VWA2: variants seen among roughly 807,000 people sequenced by gnomAD.
The protein encoded by VWA2 is von Willebrand factor A domain-containing protein 2.
Under a neutral mutation model 70.4 loss-of-function variants are expected in VWA2, and 73 were observed. The ratio of observed to expected loss-of-function variants is 1.04; its 90% confidence interval spans 0.86 to 1.26. The LOEUF is 1.26. Among genes scored for constraint, VWA2 ranks in the 50% most tolerant of loss-of-function variants. The pLI is 0.00. For missense variants in VWA2, 1,011 were observed against 998.5 expected (o/e 1.01, Z -0.17); for synonymous variants, 407 against 423.3 (o/e 0.96, Z 0.47).
intron 4 of VWA2, among the ~76,000 whole-genome samples, chr10:114,258,854 C>T (rs1381735895): frequency 1.3e-5 from 2 of 152,198 alleles, no homozygotes; most frequent in East Asian, 3.8e-4. Flanking sequence ...ATTATTCTCT[C>T]ATGCCTTTTT....
chr10:114,264,004 C>T (rs1276809041), intron 5 of VWA2, among the ~76,000 whole-genome samples: 9 of 152,188 alleles, frequency 5.9e-5, no homozygotes, highest in Non-Finnish European at 1.5e-5. Flanking sequence ...CTGACAAAAA[C>T]AAGTGTTGGT....
intron 2 of VWA2, 35 bp from the exon 3 acceptor site, chr10:114,253,616 A>G: frequency 6.3e-7 from 1 of 1,597,476 alleles, no homozygotes; most frequent in Non-Finnish European, 8.6e-7. Flanking sequence ...CCCTCTCAGC[A>G]TTTTAATGGC....
In VWA2 at chr10:114,239,402, G is replaced by T. The variant is rs1303317906; in HGVS notation, c.-178G>T. 2.0e-5 allele frequency: 3 copies of T among 152,272 alleles called. No homozygotes were observed. Among genetic ancestry groups the T allele is most frequent in the African/African-American group, 4.8e-5 (2 of 41,468 alleles). 9.4% of individuals were successfully genotyped at this position (152,272 alleles called of 1,614,324 possible). ...GCGGTAGTTCCTCCGACCTCAGCCG[G>T]GTCGGGTCGTGCCGCCCTCTCCCAG... On this transcript the variant is annotated 5_prime_UTR_variant, in exon 1 of 14. Coordinates refer to ENST00000392982, the MANE Select transcript of VWA2 (RefSeq NM_001272046.2).
At chr10:114,256,790 G>C (rs538451643) in intron 4 of VWA2, among the ~76,000 whole-genome samples, 2 of 151,634 alleles carry the variant, frequency 1.3e-5, no homozygotes, top group African/African-American at 4.8e-5. Flanking sequence ...CGTGCCTGTA[G>C]TCCCAGCTAC....
chr10:114,277,905 T>G lies in VWA2; in HGVS notation c.567-9T>G. ...TAGGACCACAAGCTGTTACAACCCC[T>G]TGGCACAGGTGGGAGGAGCTGCATG... On this transcript the variant is annotated splice_polypyrimidine_tract_variant and intron_variant, in intron 6 of 13. Coordinates refer to ENST00000392982, the MANE Select transcript of VWA2 (RefSeq NM_001272046.2). 1 of 1,600,628 alleles carries G rather than the reference T, an allele frequency of 6.2e-7. No homozygotes were observed. The highest frequency in any genetic ancestry group is 8.5e-7 in the Non-Finnish European group (1 of 1,170,870).
intron 8 of VWA2, among the ~76,000 whole-genome samples, chr10:114,279,101 G>A (rs943715162): frequency 5.3e-5 from 8 of 152,170 alleles, no homozygotes; most frequent in Non-Finnish European, 1.0e-4. Flanking sequence ...CATTCTGGAA[G>A]GCTGGTGAGT....
At position 114,292,606 on chromosome 10, in the gene VWA2, G is replaced by T. The variant is rs371286211; in HGVS notation, c.*1369G>T. 4.6e-5 allele frequency among the ~76,000 whole-genome samples: 7 copies of T among 150,654 alleles called. No homozygotes were observed. The East Asian group carries it at 1.2e-3, about 25-fold the overall frequency. ...ACTAGATACTTACTTCCCTATCGCT[G>T]CAGTATTTAGGAATTACTTCTTCTC... On this transcript the variant is annotated 3_prime_UTR_variant, in exon 14 of 14. Coordinates refer to ENST00000392982, the MANE Select transcript of VWA2 (RefSeq NM_001272046.2).
rs757184226 is a variant in VWA2 at position 114,272,767 on chromosome 10, T to A, written c.399T>A (p.Ala133=). The change falls in exon 6 of 14, where the codon GCT becomes GCA. Residue 133 remains alanine (A), a synonymous_variant. Transcript: ENST00000392982. ...GAGGGCGCACGGAGACGGAACTTGC[T>A]CTGAAATACCTTCTGCACAGAGGGT... is the stretch of plus-strand genomic sequence containing the variant. ...FKGGRTETEL[A]LKYLLHRGLP... 1 of 1,610,886 alleles carries A rather than the reference T, an allele frequency of 6.2e-7. No homozygotes were observed. The highest frequency in any genetic ancestry group is 1.3e-5 in the African/African-American group (1 of 74,944).
At chr10:114,267,998 T>G (rs1215395040) in intron 5 of VWA2, among the ~76,000 whole-genome samples, 1 of 152,144 alleles carries the variant, frequency 6.6e-6, no homozygotes, top group African/African-American at 2.4e-5. Flanking sequence ...TGCTGTGGGT[T>G]CATTTTGGTA....
chr10:114,285,087 C>T, intron 10 of VWA2, 117 bp downstream of exon 10: 1 of 726,256 alleles, frequency 1.4e-6, no homozygotes, highest in Non-Finnish European at 2.1e-6. Context: ...GAACCATCTG[C>T]TTTCCAATGC....
Position 114,286,357 on chromosome 10 carries a change from G to A in VWA2, c.1416G>A (p.Glu472=). 5 of 1,613,794 alleles carry A rather than the reference G, an allele frequency of 3.1e-6. No homozygotes were observed. The highest frequency in any genetic ancestry group is 4.2e-6 in the Non-Finnish European group (5 of 1,179,992). The change falls in exon 11 of 14, where the codon GAG becomes GAA. Residue 472 remains glutamate (E), a synonymous_variant. Transcript: ENST00000392982. ...AGPARHARAR[E]LLLLGVGSEA... is the part of the protein sequence containing the mutation. ...CAGCGCGTCACGCAAGGGCGCGAGA[G>A]CTGCTCCTGCTGGGTGTAGGCAGTG...
At chr10:114,259,072 T>C (rs959924102) in intron 4 of VWA2, among the ~76,000 whole-genome samples, 6 of 152,236 alleles carry the variant, frequency 3.9e-5, no homozygotes, top group Admixed American at 6.5e-5. Context: ...CCTATGCATT[T>C]GTTTAAATTT....
intron 1 of VWA2, among the ~76,000 whole-genome samples, chr10:114,248,173 G>C (rs2133286472): frequency 6.6e-6 from 1 of 152,020 alleles, no homozygotes; most frequent in East Asian, 1.9e-4. Flanking sequence ...TAGATGATTA[G>C]TGGATAATTT....
Position 114,253,637 on chromosome 10 carries a change from G to A in VWA2, c.53-14G>A. 3 of 1,610,780 alleles carry A rather than the reference G, an allele frequency of 1.9e-6. No homozygotes were observed. Among genetic ancestry groups the A allele is most frequent in the Non-Finnish European group, 2.5e-6 (3 of 1,179,090 alleles). On this transcript the variant is annotated splice_polypyrimidine_tract_variant and intron_variant, in intron 2 of 13. Coordinates refer to ENST00000392982, the MANE Select transcript of VWA2 (RefSeq NM_001272046.2). ...CAGCATTTTAATGGCTGCTTCTGGTGTTTTCTCTCCTAGTGCCCCCATCTC... is the reference window on the plus strand; with the variant it reads ...CAGCATTTTAATGGCTGCTTCTGGTATTTTCTCTCCTAGTGCCCCCATCTC...
intron 4 of VWA2, among the ~76,000 whole-genome samples, chr10:114,258,473 C>T (rs1234039771): frequency 2.0e-5 from 3 of 152,088 alleles, no homozygotes; most frequent in Non-Finnish European, 4.4e-5. Flanking sequence ...TGTTTCTGAG[C>T]GTACAGTAAA....
At chr10:114,267,598 A>ATTTTT (rs1227410084) in intron 5 of VWA2, among the ~76,000 whole-genome samples, 11 of 136,754 alleles carry the variant, frequency 8.0e-5, no homozygotes, top group Admixed American at 2.2e-4. Flanking sequence ...CACCTGGCTA[A>ATTTTT]TTTTTTTTTT....
chr10:114,290,017 C>A, intron 12 of VWA2: 1 of 420,640 alleles, frequency 2.4e-6, no homozygotes, highest in Non-Finnish European at 4.2e-6. Context: ...AAAAGTCTGC[C>A]ATGTGTATGG....
intron 5 of VWA2, among the ~76,000 whole-genome samples, chr10:114,265,522 A>G (rs185942569): frequency 1.3e-5 from 2 of 152,188 alleles, no homozygotes; most frequent in South Asian, 4.1e-4. Context: ...AAGAAGAAAC[A>G]GGGGCCCTGG....
chr10:114,240,562 C>T (rs150507017), intron 1 of VWA2, among the ~76,000 whole-genome samples: 1 of 152,336 alleles, frequency 6.6e-6, no homozygotes, highest in African/African-American at 2.4e-5. Flanking sequence ...CCCAGAACCT[C>T]TAAGTGTTTT....
Sources: allele counts gnomAD v4.1 joint callset (sites outside exome capture counted in the v4.1 genomes callset), GRCh38; gene constraint gnomAD v4.1.1; transcripts MANE v1.5; gene names NCBI Gene and HGNC (gene_info 2026-07-23, HGNC 2026-07-21).